ERC2: variants seen among roughly 807,000 people sequenced by gnomAD.
ERC2 encodes ELKS/RAB6-interacting/CAST family member 2, also known as ERC protein 2.
A neutral mutation model predicts 114.8 loss-of-function variants in ERC2; 42 were observed. The ratio of observed to expected loss-of-function variants is 0.37; its 90% CI spans 0.29 to 0.47. The LOEUF is 0.47. Among genes scored for constraint, ERC2 ranks in the 20% least tolerant of loss-of-function variants. The probability of loss-of-function intolerance (pLI) is 0.99; values close to 1 mark genes in which losing one functional copy is unlikely to be tolerated. For missense variants in ERC2, 939 were observed against 1,150.7 expected (o/e 0.82, Z 2.66); for synonymous variants, 454 against 425.5 (o/e 1.07, Z -0.82).
At position 56,422,819 on chromosome 3, in the gene ERC2, A is replaced by T. The variant is rs143154658; in HGVS notation, c.657+11532T>A. On this transcript the variant is annotated intron_variant, in intron 2 of 17. Transcript: ENST00000288221. ...TCTCTGTGACCTGTTTCTCTTGCAT[A>T]AAATAGAGATGCCATGTGTCTTGCA... Among the ~76,000 whole-genome samples, 4 of 152,288 alleles carry T rather than the reference A, an allele frequency of 2.6e-5. No homozygotes were observed. The South Asian group carries it at 8.3e-4, about 32-fold the overall frequency.
rs1419297449 is a variant in ERC2 at position 56,176,680 on chromosome 3, T to C, written c.1075-3160A>G. 2.6e-5 allele frequency among the ~76,000 whole-genome samples: 4 copies of C among 152,164 alleles called. No homozygotes were observed. In the East Asian group the frequency reaches 7.7e-4, roughly 29 times the overall value. ...GGTGTCAGGTAAATGAAAATTGTAA[T>C]CTATATCCAGACAACATGGACTGTC... On this transcript the variant is annotated intron_variant, in intron 3 of 17. Coordinates refer to ENST00000288221, the MANE Select transcript of ERC2 (RefSeq NM_015576.3).
chr3:55,722,113 A>G (rs1370854082), intron 15 of ERC2, among the ~76,000 whole-genome samples: 1 of 151,946 alleles, frequency 6.6e-6, no homozygotes, highest in Admixed American at 6.6e-5. Flanking sequence ...GCCCAATTCC[A>G]TTCCCAGGCT....
intron 4 of ERC2, among the ~76,000 whole-genome samples, chr3:56,162,174 G>C (rs907577500): frequency 6.6e-6 from 1 of 152,056 alleles, no homozygotes; most frequent in Non-Finnish European, 1.5e-5. Flanking sequence ...CTGTTTATGT[G>C]TTGAACACAT....
chr3:55,620,834 C>A (rs551193597), intron 17 of ERC2, among the ~76,000 whole-genome samples: 1 of 152,278 alleles, frequency 6.6e-6, no homozygotes, highest in East Asian at 1.9e-4. Flanking sequence ...CAAGCTGCTC[C>A]TATGCAAACT....
chr3:55,900,177 T>A (rs1364615732), intron 13 of ERC2, among the ~76,000 whole-genome samples: 2 of 152,216 alleles, frequency 1.3e-5, no homozygotes, highest in Non-Finnish European at 2.9e-5. Flanking sequence ...TCCTGCCGCC[T>A]CCACCCTGCC....
At chr3:55,829,976 C>T (rs1452993559) in intron 14 of ERC2, among the ~76,000 whole-genome samples, 1 of 152,070 alleles carries the variant, frequency 6.6e-6, no homozygotes, top group East Asian at 1.9e-4. Context: ...CAACTTCAAA[C>T]AGGAGAAACA....
intron 2 of ERC2, among the ~76,000 whole-genome samples, chr3:56,311,819 ATGTGTGTG>A (rs10536094): frequency 0.011 from 1,601 of 142,954 alleles, 8 homozygotes; most frequent in Non-Finnish European, 0.015. Context: ...ATACATATAA[ATGTGTGTG>A]TGTGTGTGTG....
At chr3:55,547,871 C>A (rs764380799) in intron 17 of ERC2, among the ~76,000 whole-genome samples, 1 of 152,232 alleles carries the variant, frequency 6.6e-6, no homozygotes, top group Non-Finnish European at 1.5e-5. Flanking sequence ...TAAGGTCACA[C>A]AGCAGAGCTG....
chr3:55,951,148 C>A (rs1467307361), intron 12 of ERC2, among the ~76,000 whole-genome samples: 1 of 152,164 alleles, frequency 6.6e-6, no homozygotes, highest in Non-Finnish European at 1.5e-5. Context: ...GATGGGACTG[C>A]ACAGGTAGGC....
At chr3:56,214,124 C>T (rs549159947) in intron 3 of ERC2, among the ~76,000 whole-genome samples, 37 of 152,084 alleles carry the variant, frequency 2.4e-4, no homozygotes, top group Non-Finnish European at 4.3e-4. Context: ...AATGCAGCAA[C>T]GGAACAAAGC....
intron 17 of ERC2, among the ~76,000 whole-genome samples, chr3:55,586,533 G>A (rs563242382): frequency 6.6e-6 from 1 of 152,232 alleles, no homozygotes; most frequent in East Asian, 1.9e-4. Context: ...CTTTTGATAA[G>A]AACATTTAAA....
At chr3:55,513,659 G>T (rs1206671514) in intron 17 of ERC2, among the ~76,000 whole-genome samples, 1 of 150,894 alleles carries the variant, frequency 6.6e-6, no homozygotes, top group African/African-American at 2.4e-5. Flanking sequence ...TTTAAGGCAG[G>T]GTCTTGCTGT....
intron 12 of ERC2, among the ~76,000 whole-genome samples, chr3:55,951,244 C>G (rs1321115336): frequency 3.9e-5 from 6 of 152,222 alleles, no homozygotes; most frequent in African/African-American, 1.4e-4. Flanking sequence ...TATTATTATT[C>G]TTTTGGATCA....
At chr3:55,660,194 T>C (rs1318132917) in intron 17 of ERC2, among the ~76,000 whole-genome samples, 1 of 152,190 alleles carries the variant, frequency 6.6e-6, no homozygotes, top group Non-Finnish European at 1.5e-5. Context: ...TTTCTGTACA[T>C]GCAACTGAGA....
chr3:56,192,407 T>C (rs2047845468), intron 3 of ERC2, among the ~76,000 whole-genome samples: 2 of 152,208 alleles, frequency 1.3e-5, no homozygotes, highest in African/African-American at 4.8e-5. Context: ...TGGAAAATAA[T>C]GTACATAATC....
chr3:56,021,099 G>A (rs976539063), intron 7 of ERC2, among the ~76,000 whole-genome samples: 7 of 152,110 alleles, frequency 4.6e-5, no homozygotes, highest in Non-Finnish European at 1.0e-4. Flanking sequence ...AGCTAGGGAT[G>A]CACCACTTTA....
intron 2 of ERC2, among the ~76,000 whole-genome samples, chr3:56,314,176 T>G (rs1414064125): frequency 1.3e-5 from 2 of 152,332 alleles, no homozygotes; most frequent in Non-Finnish European, 2.9e-5. Context: ...TGGGGTCAGA[T>G]AACCTTGAAT....
chr3:55,526,105 A>G (rs1459072685), intron 17 of ERC2, among the ~76,000 whole-genome samples: 2 of 152,098 alleles, frequency 1.3e-5, no homozygotes, highest in Admixed American at 1.3e-4. Flanking sequence ...GGGGTGATGG[A>G]AGCAGAGGGT....
intron 7 of ERC2, among the ~76,000 whole-genome samples, chr3:56,054,692 C>T (rs2075926040): frequency 6.6e-6 from 1 of 152,166 alleles, no homozygotes; most frequent in Non-Finnish European, 1.5e-5. Context: ...TCAGTCCATA[C>T]AACTAGTAAG....
Sources: allele counts gnomAD v4.1 joint callset (sites outside exome capture counted in the v4.1 genomes callset), GRCh38; gene constraint gnomAD v4.1.1; transcripts MANE v1.5; gene names NCBI Gene and HGNC (gene_info 2026-07-23, HGNC 2026-07-21).